LY9: variants seen among roughly 807,000 people sequenced by gnomAD.
LY9 encodes the protein T-lymphocyte surface antigen Ly-9.
In LY9, 59 loss-of-function variants were observed where a neutral mutation model predicts 64.6. The observed-to-expected ratio is 0.91, with a 90% confidence interval of 0.74 to 1.13. The LOEUF (loss-of-function observed/expected upper bound fraction) is 1.13. Ranked by LOEUF, LY9 falls within the 50% of genes most tolerant of loss-of-function variation. LY9 has a pLI of 0.00. For missense variants in LY9, 789 were observed against 797.2 expected, an observed-to-expected ratio of 0.99 and a Z score of 0.12; for synonymous variants, 281 against 308.5, an observed-to-expected ratio of 0.91 and a Z score of 0.93.
chr1:160,817,800 G>A (rs567368295), intron 5 of LY9, among the ~76,000 whole-genome samples: 2 of 152,246 alleles, frequency 1.3e-5, no homozygotes, highest in African/African-American at 4.8e-5. Context: ...AAAAAGGTAC[G>A]GTCTACCCAG....
rs1668945347 is a variant in LY9 at position 160,827,885 on chromosome 1, C to T, written c.*69C>T. 16 of 1,265,666 alleles carry T rather than the reference C, an allele frequency of 1.3e-5. No homozygotes were observed. Among genetic ancestry groups the T allele is most frequent in the Non-Finnish European group, 1.7e-5 (15 of 887,870 alleles). The allele number at this position is 1,265,666 out of a possible 1,614,324, so 78.4% of individuals were successfully genotyped here. A position where few individuals can be genotyped will look rare whatever the true frequency, so the allele number is the denominator to read the frequency against. On this transcript the variant is annotated 3_prime_UTR_variant, in exon 10 of 10. Coordinates refer to ENST00000263285, the MANE Select transcript of LY9 (RefSeq NM_002348.4). ...GAAAGTCAGCTGGACCTCATGGGGC[C>T]TGGGGCTCACAGACAGAAGCACCTC... is the stretch of plus-strand genomic sequence containing the variant.
intron 2 of LY9, among the ~76,000 whole-genome samples, chr1:160,801,422 A>T (rs1439594776): frequency 6.6e-6 from 1 of 151,954 alleles, no homozygotes; most frequent in Non-Finnish European, 1.5e-5. Context: ...TTTCTTGTTG[A>T]GTTATTTGAG....
Position 160,816,594 on chromosome 1 carries a change from GC to G in LY9, c.1074del (p.Arg359GlyfsTer2). 1 of 1,591,154 alleles carries G rather than the reference GC, an allele frequency of 6.3e-7. No homozygotes were observed. Among genetic ancestry groups the G allele is most frequent in the Non-Finnish European group, 8.6e-7 (1 of 1,167,380 alleles). ...SMTHVTLLIY[R>X]RLRKPKITWS... ...ATGGAGTCTGCCTCTCTCCTCACAG[GC>G]AGGCTGAGGAAGCCCAAAATCACGT... On this transcript the variant is annotated frameshift_variant and splice_region_variant, in exon 5 of 10. Transcript: ENST00000263285. LOFTEE classifies it high-confidence loss of function.
At chr1:160,817,154 T>C (rs886787132) in intron 5 of LY9, among the ~76,000 whole-genome samples, 2 of 152,252 alleles carry the variant, frequency 1.3e-5, no homozygotes, top group Admixed American at 6.5e-5. Context: ...CATTAGACAC[T>C]ACATTTTATT....
At chr1:160,797,133 T>A in intron 1 of LY9, 1 of 985,556 alleles carries the variant, frequency 1.0e-6, no homozygotes, top group Non-Finnish European at 1.2e-6. Context: ...GAAACATCTC[T>A]CCGCTGCATG....
In LY9 at chr1:160,817,967, T is replaced by C. The variant is rs939354632; in HGVS notation, c.1343-251T>C. Among the ~76,000 whole-genome samples, 3 of 152,174 alleles carry C rather than the reference T, an allele frequency of 2.0e-5. No homozygotes were observed. In the East Asian group the frequency reaches 5.8e-4, roughly 29 times the overall value. On this transcript the variant is annotated intron_variant, in intron 5 of 9. Coordinates refer to ENST00000263285, the MANE Select transcript of LY9 (RefSeq NM_002348.4). Reference sequence around the variant, plus strand: ...TGCACTCGAACCTCAGGTCAGACACTTGAAACACTGTGACACTGGGCAAGC... The same window carrying C: ...TGCACTCGAACCTCAGGTCAGACACCTGAAACACTGTGACACTGGGCAAGC...
Position 160,799,740 on chromosome 1 carries a change from T to A in LY9, c.125-13T>A. 6.3e-7 allele frequency: 1 copy of A among 1,579,050 alleles called. No homozygotes were observed. Among genetic ancestry groups the A allele is most frequent in the Non-Finnish European group, 8.7e-7 (1 of 1,154,352 alleles). On this transcript the variant is annotated splice_polypyrimidine_tract_variant and intron_variant, in intron 1 of 9. Coordinates refer to ENST00000263285, the MANE Select transcript of LY9 (RefSeq NM_002348.4). ...TCTAGCTGCTCCTCCAAGTCCCTCT[T>A]CTATCTCTGCAGGACTAAGAGCCTC...
At chr1:160,825,874 C>T (rs944155830) in intron 9 of LY9, among the ~76,000 whole-genome samples, 1 of 151,884 alleles carries the variant, frequency 6.6e-6, no homozygotes, top group African/African-American at 2.4e-5. Flanking sequence ...CACACCATTG[C>T]ACTCCAGCCT....
chr1:160,803,023 C>T (rs1049064444), intron 2 of LY9, among the ~76,000 whole-genome samples: 1 of 152,018 alleles, frequency 6.6e-6, no homozygotes. Context: ...GATTCATGCC[C>T]GTAATCCCAA....
At chr1:160,814,005 G>C in intron 3 of LY9, 94 bp downstream of exon 3, 1 of 1,349,650 alleles carries the variant, frequency 7.4e-7, no homozygotes, top group South Asian at 1.4e-5. Context: ...GACACACAGG[G>C]GGTGGGGAAG....
At position 160,800,119 on chromosome 1, in the gene LY9, T is replaced by G. The variant is rs766565714; in HGVS notation, c.454+37T>G. The G allele has an allele frequency of 6.0e-6, 9 of 1,501,384 alleles. No homozygotes were observed. In the East Asian group the frequency reaches 1.8e-4, roughly 30 times the overall value. 93.0% of individuals were successfully genotyped at this position (1,501,384 alleles called of 1,614,324 possible). A position where few individuals can be genotyped will look rare whatever the true frequency, so the allele number is the denominator to read the frequency against. ...AGAGCTTCTGTGTTTTGATCTTTTC[T>G]TTTTTTTATTTGTGCAAATTTATGG... is the stretch of plus-strand genomic sequence containing the variant. On this transcript the variant is annotated intron_variant, in intron 2 of 9. Coordinates refer to ENST00000263285, the MANE Select transcript of LY9 (RefSeq NM_002348.4).
At chr1:160,813,358 T>C (rs1006815846) in intron 2 of LY9, 6 of 459,008 alleles carry the variant, frequency 1.3e-5, no homozygotes, top group African/African-American at 1.2e-4. Context: ...GACACAGGAA[T>C]CAGCCCTGTC....
At chr1:160,805,110 T>C (rs1041839078) in intron 2 of LY9, among the ~76,000 whole-genome samples, 10 of 152,282 alleles carry the variant, frequency 6.6e-5, no homozygotes, top group Admixed American at 5.9e-4. Context: ...AGTTTTGCTC[T>C]GATATTTATT....
chr1:160,801,222 A>G (rs2101742717), intron 2 of LY9, among the ~76,000 whole-genome samples: 1 of 152,144 alleles, frequency 6.6e-6, no homozygotes, highest in Non-Finnish European at 1.5e-5. Flanking sequence ...ACATCCTGCC[A>G]ACATGTGGTT....
At chr1:160,813,449 G>A (rs1402104197) in intron 2 of LY9, 187 bp from the exon 3 acceptor site, 20 of 605,732 alleles carry the variant, frequency 3.3e-5, no homozygotes, top group Non-Finnish European at 5.8e-5. Flanking sequence ...GATAACACCT[G>A]TAGCGGATGT....
chr1:160,813,764 GA>G lies in LY9; in HGVS notation c.585del (p.Glu195AspfsTer64), dbSNP rs745390233. On this transcript the variant is annotated frameshift_variant, in exon 3 of 10. Transcript: ENST00000263285. LOFTEE classifies it high-confidence loss of function. Reference protein sequence around the residue: ...KSVLYSWTPREPHASESNGGS... With the variant: ...KSVLYSWTPRXPHASESNGGS... ...TGTTCTGTACAGCTGGACCCCAAGG[GA>G]ACCCCATGCTTCTGAGTCCAATGGA... is the stretch of plus-strand genomic sequence containing the variant. The G allele has an allele frequency of 1.2e-6, 2 of 1,614,102 alleles. No homozygotes were observed. The highest frequency in any genetic ancestry group is 1.7e-6 in the Non-Finnish European group (2 of 1,180,024).
chr1:160,824,454 A>G (rs1398671433), intron 9 of LY9: 1 of 985,038 alleles, frequency 1.0e-6, no homozygotes, highest in Non-Finnish European at 1.2e-6. Context: ...GAACATTTCT[A>G]ATTGATTTAA....
intron 9 of LY9, among the ~76,000 whole-genome samples, chr1:160,827,413 G>A (rs1051733069): frequency 1.3e-5 from 2 of 152,168 alleles, no homozygotes; most frequent in Non-Finnish European, 2.9e-5. Context: ...ATAAATGTTC[G>A]TTTTGTTTCT....
chr1:160,801,606 T>G (rs74637620), intron 2 of LY9, among the ~76,000 whole-genome samples: 3,061 of 152,292 alleles, frequency 0.02, 110 homozygotes, highest in African/African-American at 0.07. Context: ...TTTTGAGGTC[T>G]TAGTCATAAA....
Sources: gnomAD v4.1 joint callset for allele counts (sites outside exome capture counted in the v4.1 genomes callset) on GRCh38, gnomAD v4.1.1 for gene constraint, MANE v1.5 for transcripts, NCBI Gene and HGNC (gene_info 2026-07-23, HGNC 2026-07-21) for gene names.